EXOC6B: variants seen among roughly 807,000 people sequenced by gnomAD.
EXOC6B encodes SEC15 homolog B.
Under a neutral mutation model 113.5 loss-of-function variants are expected in EXOC6B, and 54 were observed. That is an observed-to-expected ratio of 0.48 (90% CI 0.38 to 0.60). The LOEUF is 0.60. Among genes scored for constraint, EXOC6B ranks in the 20% least tolerant of loss-of-function variants. The pLI is 0.00. For synonymous variants in EXOC6B, 357 were observed against 339.0 expected (o/e 1.05, Z -0.58); for missense variants, 797 against 977.5 (o/e 0.82, Z 2.46).
intron 8 of EXOC6B, among the ~76,000 whole-genome samples, chr2:72,545,242 G>A (rs1702828833): frequency 6.6e-6 from 1 of 151,994 alleles, no homozygotes; most frequent in Non-Finnish European, 1.5e-5. Flanking sequence ...TTGGTGAGAT[G>A]CACTGGCAAA....
intron 19 of EXOC6B, among the ~76,000 whole-genome samples, chr2:72,365,209 C>T (rs1690546677): frequency 6.6e-6 from 1 of 151,492 alleles, no homozygotes; most frequent in Admixed American, 6.6e-5. Context: ...TCTTTTTTCC[C>T]CACCATTTTC....
rs370580387 is a variant in EXOC6B at position 72,714,684 on chromosome 2, A to G, written c.669+3419T>C. On this transcript the variant is annotated intron_variant, in intron 6 of 21. Transcript: ENST00000272427. ...TAGTTCAACAAAGTGACTCAACTCT[A>G]AGGCAGAGATCAGATTCAAGCATGA... Among the ~76,000 whole-genome samples, 23 of 152,308 alleles carry G rather than the reference A, an allele frequency of 1.5e-4. 2 individuals are homozygous for G. The highest frequency in any genetic ancestry group is 4.6e-4 in the African/African-American group (19 of 41,582).
chr2:72,252,405 G>T (rs2104550897), intron 20 of EXOC6B, among the ~76,000 whole-genome samples: 1 of 152,172 alleles, frequency 6.6e-6, no homozygotes, highest in African/African-American at 2.4e-5. Flanking sequence ...GAACAATGTT[G>T]CAAGGCAATA....
At position 72,177,441 on chromosome 2, in the gene EXOC6B, G is replaced by A. The variant is rs1193140338; in HGVS notation, c.*1894C>T. 3 of 152,144 alleles carry A rather than the reference G, an allele frequency of 2.0e-5. No homozygotes were observed. Among genetic ancestry groups the A allele is most frequent in the East Asian group, 1.9e-4 (1 of 5,178 alleles). The allele number at this position is 152,144 out of a possible 1,614,324, so 9.4% of individuals were successfully genotyped here. ...AATAGAACTTCAGATTAATATAATCGTTTCTCACTTGTTTCAACAAAGATG... is the reference window on the plus strand; with the variant it reads ...AATAGAACTTCAGATTAATATAATCATTTCTCACTTGTTTCAACAAAGATG... On this transcript the variant is annotated 3_prime_UTR_variant, in exon 22 of 22. Coordinates refer to ENST00000272427, the MANE Select transcript of EXOC6B (RefSeq NM_015189.3).
intron 19 of EXOC6B, among the ~76,000 whole-genome samples, chr2:72,376,617 G>A (rs966815248): frequency 2.0e-5 from 3 of 152,040 alleles, no homozygotes; most frequent in Non-Finnish European, 4.4e-5. Context: ...TCTCAAACCT[G>A]AGAAACTTTG....
At chr2:72,396,185 G>T (rs1268907743) in intron 18 of EXOC6B, among the ~76,000 whole-genome samples, 1 of 151,856 alleles carries the variant, frequency 6.6e-6, no homozygotes, top group African/African-American at 2.4e-5. Flanking sequence ...ATATCTTTTT[G>T]AAAAATGCCA....
intron 6 of EXOC6B, among the ~76,000 whole-genome samples, chr2:72,597,929 C>T (rs936790324): frequency 6.6e-6 from 1 of 151,802 alleles, no homozygotes; most frequent in Non-Finnish European, 1.5e-5. Context: ...AACAGAGCAC[C>T]AATATGCATA....
chr2:72,622,710 C>A, intron 6 of EXOC6B, among the ~76,000 whole-genome samples: 1 of 150,770 alleles, frequency 6.6e-6, no homozygotes, highest in Non-Finnish European at 1.5e-5. Flanking sequence ...GACCCTGTTT[C>A]AAAGTAAAAA....
chr2:72,317,559 T>TCACACACA lies in EXOC6B; in HGVS notation c.2196+17380_2196+17387dup, dbSNP rs72124979. On this transcript the variant is annotated intron_variant, in intron 20 of 21. Transcript: ENST00000272427. Reference sequence around the variant, plus strand: ...ACACAGGGAAGCATGTATGAACACATCACACACACACACACACACACACAC... The same window carrying TCACACACA: ...ACACAGGGAAGCATGTATGAACACATCACACACACACACACACACACACACACACACAC... 7.9e-3 allele frequency among the ~76,000 whole-genome samples: 1,116 copies of TCACACACA among 140,676 alleles called. 15 individuals are homozygous for TCACACACA. The highest frequency in any genetic ancestry group is 0.024 in the African/African-American group (935 of 39,124). The allele number at this position is 140,676 out of a possible 152,430, so 92.3% of individuals were successfully genotyped here.
At chr2:72,346,774 A>G (rs1436825373) in intron 19 of EXOC6B, among the ~76,000 whole-genome samples, 7 of 152,152 alleles carry the variant, frequency 4.6e-5, no homozygotes, top group African/African-American at 9.7e-5. Context: ...AAAGTAAAGA[A>G]TATAACAAAT....
chr2:72,580,415 T>C (rs1241451597), intron 6 of EXOC6B, among the ~76,000 whole-genome samples: 1 of 152,144 alleles, frequency 6.6e-6, no homozygotes, highest in African/African-American at 2.4e-5. Flanking sequence ...AGTCCTGGGA[T>C]TACAGGTGTG....
chr2:72,493,355 A>T (rs964297941), intron 15 of EXOC6B, among the ~76,000 whole-genome samples: 1 of 138,022 alleles, frequency 7.2e-6, no homozygotes, highest in African/African-American at 3.1e-5. Context: ...ATAGGAAGCA[A>T]TATTCTTTCC....
At chr2:72,626,110 G>A (rs1400143317) in intron 6 of EXOC6B, among the ~76,000 whole-genome samples, 4 of 151,508 alleles carry the variant, frequency 2.6e-5, no homozygotes, top group African/African-American at 9.7e-5. Context: ...ACCAAACCCA[G>A]AAAAATAATA....
At chr2:72,673,823 G>A (rs1438315914) in intron 6 of EXOC6B, among the ~76,000 whole-genome samples, 6 of 147,758 alleles carry the variant, frequency 4.1e-5, no homozygotes, top group Non-Finnish European at 7.4e-5. Flanking sequence ...TCTATCACTG[G>A]AAAGAAAATA....
chr2:72,591,934 T>A (rs1386895300), intron 6 of EXOC6B, among the ~76,000 whole-genome samples: 1 of 152,044 alleles, frequency 6.6e-6, no homozygotes, highest in Non-Finnish European at 1.5e-5. Context: ...GAAATATTGC[T>A]CAATTAATTT....
intron 19 of EXOC6B, among the ~76,000 whole-genome samples, chr2:72,363,199 G>A (rs1690425670): frequency 6.6e-6 from 1 of 151,990 alleles, no homozygotes; most frequent in Non-Finnish European, 1.5e-5. Context: ...ATTTTTAAAG[G>A]AAAAGTGATG....
rs552978734 is a variant in EXOC6B at position 72,512,017 on chromosome 2, G to T, written c.1167+1115C>A. Among the ~76,000 whole-genome samples the T allele has an allele frequency of 3.9e-3, 597 of 152,120 alleles. 3 individuals are homozygous for T. Among genetic ancestry groups the T allele is most frequent in the Non-Finnish European group, 6.0e-3 (411 of 67,964 alleles). On this transcript the variant is annotated intron_variant, in intron 11 of 21. Coordinates refer to ENST00000272427, the MANE Select transcript of EXOC6B (RefSeq NM_015189.3). ...TTATTCCTCAAACACTTTGAGATAA[G>T]AGCCCTTGCACTACTGTTCTTTAGG...
At chr2:72,232,202 G>A (rs563774511) in intron 20 of EXOC6B, among the ~76,000 whole-genome samples, 6 of 152,042 alleles carry the variant, frequency 3.9e-5, no homozygotes, top group Non-Finnish European at 7.4e-5. Context: ...TTCAAACTCC[G>A]GACCTCAAGT....
intron 20 of EXOC6B, among the ~76,000 whole-genome samples, chr2:72,213,852 G>A (rs1005512289): frequency 4.6e-5 from 7 of 152,190 alleles, no homozygotes; most frequent in South Asian, 2.1e-4. Flanking sequence ...CACTGGACAC[G>A]GAATCTGCCT....
Sources: allele counts gnomAD v4.1 joint callset (sites outside exome capture counted in the v4.1 genomes callset), GRCh38; gene constraint gnomAD v4.1.1; transcripts MANE v1.5; gene names NCBI Gene and HGNC (gene_info 2026-07-23, HGNC 2026-07-21).